The following DOCK5 variants were observed in gnomAD, a reference collection of about 807,000 sequenced individuals.
DOCK5 encodes the protein dedicator of cytokinesis 5, also known as dedicator of cytokinesis protein 5.
A neutral mutation model predicts 251.8 loss-of-function variants in DOCK5; 142 were observed. The observed-to-expected ratio is 0.56, with a 90% confidence interval of 0.49 to 0.65. DOCK5 has a LOEUF of 0.65. Ranked by LOEUF, DOCK5 falls within the 30% of genes least tolerant of loss-of-function variation. The probability of loss-of-function intolerance (pLI) is 0.00; values close to 1 mark genes in which losing one functional copy is unlikely to be tolerated. For synonymous variants in DOCK5, 842 were observed against 835.5 expected, an observed-to-expected ratio of 1.01 and a Z score of -0.13; for missense variants, 2,111 against 2,312.3, an observed-to-expected ratio of 0.91 and a Z score of 1.79.
intron 48 of DOCK5, among the ~76,000 whole-genome samples, chr8:25,406,180 G>T (rs550703490): frequency 3.3e-5 from 5 of 152,058 alleles, no homozygotes; most frequent in Non-Finnish European, 7.4e-5. Flanking sequence ...GGATGGTGTC[G>T]ATCTCCTGAC....
chr8:25,192,821 T>C (rs1053324838), intron 1 of DOCK5, among the ~76,000 whole-genome samples: 3 of 152,230 alleles, frequency 2.0e-5, no homozygotes, highest in Non-Finnish European at 2.9e-5. Flanking sequence ...CTATACTATT[T>C]TCTATGTTAT....
chr8:25,231,010 C>T (rs1023173909), intron 1 of DOCK5, among the ~76,000 whole-genome samples: 2 of 152,098 alleles, frequency 1.3e-5, no homozygotes, highest in African/African-American at 4.8e-5. Context: ...TGTCTGACAC[C>T]TTGGCCCCAC....
At chr8:25,243,945 T>A (rs1803027038) in intron 2 of DOCK5, among the ~76,000 whole-genome samples, 188 bp downstream of exon 2, 1 of 152,220 alleles carries the variant, frequency 6.6e-6, no homozygotes, top group Non-Finnish European at 1.5e-5. Context: ...GCTGAGTACA[T>A]GAGCACAAAC....
chr8:25,320,480 T>C (rs999913159), intron 15 of DOCK5, among the ~76,000 whole-genome samples: 3 of 152,198 alleles, frequency 2.0e-5, no homozygotes, highest in African/African-American at 7.2e-5. Context: ...AGTATAATCA[T>C]GCCATGATTT....
chr8:25,380,378 G>A lies in DOCK5; in HGVS notation c.4010G>A (p.Gly1337Asp), dbSNP rs1801043874. The A allele has an allele frequency of 3.1e-6, 5 of 1,609,644 alleles. No homozygotes were observed. Among genetic ancestry groups the A allele is most frequent in the Non-Finnish European group, 4.2e-6 (5 of 1,177,828 alleles). Residue 1337 changes from glycine to aspartate, a missense_variant, in exon 39 of 52, where the codon GGC (glycine) becomes GAC (aspartate). Around this residue, in one of 3 missense-constraint regions of DOCK5, gnomAD observed 1,717 missense variants for 1,892.4 expected, o/e 0.91. Transcript: ENST00000276440. The stretch of plus-strand genomic sequence containing the variant: ...GAAAGCAAAGTATTTGACTACGAGG[G>A]CCTTGGCAACCTCCTGGTGAGTCTG... ...TYESKVFDYE[G>D]LGNLLKKRAS...
intron 1 of DOCK5, among the ~76,000 whole-genome samples, chr8:25,229,601 C>T (rs540563783): frequency 1.1e-4 from 17 of 152,044 alleles, no homozygotes; most frequent in East Asian, 9.7e-4. Context: ...AAGAATTTTT[C>T]GTTTCTTTGC....
At chr8:25,266,004 T>C (rs1803736283) in intron 2 of DOCK5, among the ~76,000 whole-genome samples, 1 of 151,942 alleles carries the variant, frequency 6.6e-6, no homozygotes, top group Non-Finnish European at 1.5e-5. Flanking sequence ...ATAGAATACG[T>C]TGGTGTTCAC....
chr8:25,332,584 C>A lies in DOCK5; in HGVS notation c.2002-19C>A. 6.3e-7 allele frequency: 1 copy of A among 1,589,896 alleles called. No homozygotes were observed. The highest frequency in any genetic ancestry group is 1.1e-5 in the South Asian group (1 of 88,440). On this transcript the variant is annotated intron_variant, in intron 19 of 51. Coordinates refer to ENST00000276440, the MANE Select transcript of DOCK5 (RefSeq NM_024940.8). ...GAATGAAAGCATCAAAATAACCTCT[C>A]CGTTTTTCTTATCTTCAGTTTTTGC...
chr8:25,376,381 C>T, intron 37 of DOCK5: 1 of 984,744 alleles, frequency 1.0e-6, no homozygotes, highest in South Asian at 4.7e-5. Context: ...ATCTTTATTA[C>T]TAAATTCTTA....
At chr8:25,335,243 G>C (rs1349541902) in intron 21 of DOCK5, among the ~76,000 whole-genome samples, 2 of 152,154 alleles carry the variant, frequency 1.3e-5, no homozygotes, top group African/African-American at 2.4e-5. Flanking sequence ...CAGTGACAGT[G>C]GCCGTTCCAC....
intron 1 of DOCK5, among the ~76,000 whole-genome samples, chr8:25,189,077 C>T (rs1220024606): frequency 6.9e-6 from 1 of 145,186 alleles, no homozygotes; most frequent in Non-Finnish European, 1.5e-5. Flanking sequence ...GAGACAGGGC[C>T]TCACTCCACA....
In DOCK5 at chr8:25,233,024, C is replaced by G. The variant is rs186586229; in HGVS notation, c.44-10650C>G. ...AAGACTTGGGGAACCTTCTACACAT[C>G]TCTAGCACTCTCTCTGAGCAGCCCT... On this transcript the variant is annotated intron_variant, in intron 1 of 51. Transcript: ENST00000276440. 1.1e-3 allele frequency among the ~76,000 whole-genome samples: 168 copies of G among 152,220 alleles called. 1 individual carries two copies. Among genetic ancestry groups the G allele is most frequent in the Middle Eastern group, 3.4e-3 (1 of 294 alleles).
intron 26 of DOCK5, among the ~76,000 whole-genome samples, chr8:25,346,796 C>G (rs1215507765): frequency 6.6e-6 from 1 of 150,738 alleles, no homozygotes; most frequent in African/African-American, 2.5e-5. Context: ...TGCACTCCAG[C>G]CTGGGTAATA....
chr8:25,242,241 C>T (rs374035387), intron 1 of DOCK5, among the ~76,000 whole-genome samples: 5 of 152,082 alleles, frequency 3.3e-5, no homozygotes, highest in South Asian at 2.1e-4. Flanking sequence ...TTCTTTTGGC[C>T]GGGGGGCACC....
chr8:25,191,246 G>A (rs1046418221), intron 1 of DOCK5, among the ~76,000 whole-genome samples: 14 of 152,070 alleles, frequency 9.2e-5, no homozygotes, highest in Admixed American at 3.3e-4. Context: ...TCATTCTCTC[G>A]TTAGTGGAGT....
intron 27 of DOCK5, among the ~76,000 whole-genome samples, chr8:25,352,726 A>G (rs1369151233): frequency 6.6e-6 from 1 of 152,236 alleles, no homozygotes; most frequent in African/African-American, 2.4e-5. Flanking sequence ...CCCATAAACA[A>G]AACAGAAAAA....
rs1296137245 is a variant in DOCK5 at position 25,349,364 on chromosome 8, T to C, written c.2755-2367T>C. 8.5e-5 allele frequency among the ~76,000 whole-genome samples: 13 copies of C among 152,198 alleles called. No homozygotes were observed. In the East Asian group the frequency reaches 2.1e-3, roughly 25 times the overall value. On this transcript the variant is annotated intron_variant, in intron 26 of 51. Coordinates refer to ENST00000276440, the MANE Select transcript of DOCK5 (RefSeq NM_024940.8). ...TTATTAGTATGACAACTATGAAACA[T>C]GTTTAAAGAACTAAAAGTAGAAGTA...
intron 1 of DOCK5, among the ~76,000 whole-genome samples, chr8:25,203,001 G>A (rs371376783): frequency 6.6e-6 from 1 of 152,208 alleles, no homozygotes; most frequent in African/African-American, 2.4e-5. Flanking sequence ...ACACATAGAA[G>A]CAGTAGGCAG....
intron 24 of DOCK5, 113 bp from the exon 25 acceptor site, chr8:25,342,288 T>G: frequency 1.3e-6 from 1 of 742,138 alleles, no homozygotes; most frequent in Non-Finnish European, 2.2e-6. Context: ...ATTTTGTAGT[T>G]TTCCAGGTAA....
Sources: gnomAD v4.1 joint callset for allele counts (sites outside exome capture counted in the v4.1 genomes callset) on GRCh38, gnomAD v4.1.1 for gene constraint, gnomAD v4.1.1 regional missense constraint, MANE v1.5 for transcripts, NCBI Gene and HGNC (gene_info 2026-07-23, HGNC 2026-07-21) for gene names.